ITPR2: variants seen among roughly 807,000 people sequenced by gnomAD.
ITPR2 encodes the protein inositol 1,4,5-trisphosphate receptor type 2.
A neutral mutation model predicts 317.1 loss-of-function variants in ITPR2; 207 were observed. The ratio of observed to expected loss-of-function variants is 0.65; its 90% CI spans 0.58 to 0.73. ITPR2 has a LOEUF of 0.73. ITPR2 is among the 30% of genes least tolerant of loss of function. ITPR2 has a pLI of 0.00. For synonymous variants in ITPR2, 1,156 were observed against 1,149.1 expected (o/e 1.01, Z -0.12); for missense variants, 2,613 against 3,284.0 (o/e 0.80, Z 4.99).
At chr12:26,715,998 A>G in intron 6 of ITPR2, 146 bp downstream of exon 6, 1 of 700,020 alleles carries the variant, frequency 1.4e-6, no homozygotes, top group Non-Finnish European at 2.4e-6. Flanking sequence ...AGCAATAACT[A>G]ATCACAGCTA....
At chr12:26,715,958 A>G (rs1948732894) in intron 6 of ITPR2, 123 bp from the exon 7 acceptor site, 2 of 770,388 alleles carry the variant, frequency 2.6e-6, no homozygotes, top group Non-Finnish European at 4.3e-6. Context: ...ATAGCTCAAT[A>G]CAAGTATCTT....
intron 2 of ITPR2, among the ~76,000 whole-genome samples, chr12:26,777,398 C>G (rs1480142176): frequency 6.6e-6 from 1 of 152,142 alleles, no homozygotes; most frequent in African/African-American, 2.4e-5. Flanking sequence ...TATGTCAGAT[C>G]TAATAGTAGG....
At chr12:26,728,084 T>C (rs750501630) in intron 2 of ITPR2, among the ~76,000 whole-genome samples, 2 of 152,112 alleles carry the variant, frequency 1.3e-5, no homozygotes, top group Non-Finnish European at 2.9e-5. Context: ...CTAAGGAGGA[T>C]GGACTATACC....
chr12:26,412,258 G>T (rs181804937), intron 51 of ITPR2, among the ~76,000 whole-genome samples: 1 of 152,294 alleles, frequency 6.6e-6, no homozygotes, highest in East Asian at 1.9e-4. Context: ...AGATGGGGTA[G>T]AAATGGCAAA....
chr12:26,426,823 T>C (rs904390193), intron 49 of ITPR2, among the ~76,000 whole-genome samples: 1 of 151,124 alleles, frequency 6.6e-6, no homozygotes, highest in Admixed American at 6.6e-5. Flanking sequence ...TTTTAATAAA[T>C]AAATAAAATA....
chr12:26,575,739 A>T (rs1054488566), intron 34 of ITPR2, among the ~76,000 whole-genome samples: 1 of 152,222 alleles, frequency 6.6e-6, no homozygotes, highest in Non-Finnish European at 1.5e-5. Context: ...ATTTAGACTA[A>T]TATAGTTTCA....
intron 1 of ITPR2, among the ~76,000 whole-genome samples, chr12:26,790,572 G>GATAC (rs1014904264): frequency 3.5e-5 from 4 of 114,356 alleles, no homozygotes; most frequent in African/African-American, 1.3e-4. Context: ...CAATCAATAA[G>GATAC]ATACATATAT....
At chr12:26,518,639 A>T (rs1263304273) in intron 37 of ITPR2, among the ~76,000 whole-genome samples, 1 of 152,222 alleles carries the variant, frequency 6.6e-6, no homozygotes, top group Non-Finnish European at 1.5e-5. Context: ...ACCCAAAAAT[A>T]AAAAATAGCA....
intron 2 of ITPR2, among the ~76,000 whole-genome samples, chr12:26,774,901 GAA>G (rs1465063284): frequency 6.6e-6 from 1 of 152,214 alleles, no homozygotes; most frequent in African/African-American, 2.4e-5. Context: ...TTAGTGGATG[GAA>G]GTTGGCCCCA....
chr12:26,412,139 TG>T (rs1173517317), intron 51 of ITPR2, among the ~76,000 whole-genome samples: 1 of 152,196 alleles, frequency 6.6e-6, no homozygotes, highest in African/African-American at 2.4e-5. Context: ...GTCTTCATGA[TG>T]GAGAGACAAG....
chr12:26,739,124 C>A (rs1949185050), intron 2 of ITPR2, among the ~76,000 whole-genome samples: 1 of 152,194 alleles, frequency 6.6e-6, no homozygotes, highest in Non-Finnish European at 1.5e-5. Context: ...TACAAAACCA[C>A]TAGAATGGCT....
rs756162493 is a variant in ITPR2, at chr12:26,439,334, T to G, written c.6451-15A>C. On this transcript the variant is annotated splice_polypyrimidine_tract_variant and intron_variant, in intron 46 of 56. Transcript: ENST00000381340. Reference sequence around the variant, plus strand: ...TGCCGGACAATCTGAAAACATTAATTTGCATTGTTTTTAGCCTTTCGGACA... The same window carrying G: ...TGCCGGACAATCTGAAAACATTAATGTGCATTGTTTTTAGCCTTTCGGACA... The G allele has an allele frequency of 6.3e-7, 1 of 1,580,866 alleles. No homozygotes were observed.
intron 45 of ITPR2, among the ~76,000 whole-genome samples, chr12:26,450,731 C>G (rs544112241): frequency 1.3e-5 from 2 of 152,274 alleles, no homozygotes; most frequent in East Asian, 3.9e-4. Flanking sequence ...CCAGGAATAT[C>G]CAGCATAAGT....
Position 26,612,960 on chromosome 12 carries a change from A to T in ITPR2, c.3462+8163T>A, listed in dbSNP as rs184724007. Among the ~76,000 whole-genome samples the T allele has an allele frequency of 3.9e-5, 6 of 152,324 alleles. No homozygotes were observed. The East Asian group carries it at 1.2e-3, about 29-fold the overall frequency. ...TCTGGAGTGAGGCCTTCTTTCAGTC[A>T]TCAGGCCCACGCTGGCCTCTCCTTT... On this transcript the variant is annotated intron_variant, in intron 26 of 56. Coordinates refer to ENST00000381340, the MANE Select transcript of ITPR2 (RefSeq NM_002223.4).
In ITPR2 at chr12:26,657,710, T is replaced by C; in HGVS notation, c.2189A>G (p.Tyr730Cys). Reference sequence around the variant, plus strand: ...AAGATTGTCTATAATACTTAACCTGTAATAGGTAAGAACTTCTAAGTCAGC... The same window carrying C: ...AAGATTGTCTATAATACTTAACCTGCAATAGGTAAGAACTTCTAAGTCAGC... ...TKADLEVLTY[Y>C]RYQLNLFARM... Residue 730 changes from tyrosine (Y) to cysteine (C), a missense_variant, in exon 18 of 57, where the codon TAC (tyrosine) becomes TGC (cysteine). Around this residue, in one of 9 missense-constraint regions of ITPR2, gnomAD observed 817 missense variants for 897.6 expected, o/e 0.91. Transcript: ENST00000381340. The C allele has an allele frequency of 6.2e-7, 1 of 1,613,362 alleles. No homozygotes were observed. Among genetic ancestry groups the C allele is most frequent in the Non-Finnish European group, 8.5e-7 (1 of 1,179,346 alleles).
chr12:26,811,323 T>C (rs1177714217), intron 1 of ITPR2, among the ~76,000 whole-genome samples: 1 of 152,228 alleles, frequency 6.6e-6, no homozygotes. Context: ...TTTCAAAGTA[T>C]AGAAACCTAG....
intron 37 of ITPR2, among the ~76,000 whole-genome samples, chr12:26,544,319 T>G (rs1944336196): frequency 6.6e-6 from 1 of 152,144 alleles, no homozygotes; most frequent in Non-Finnish European, 1.5e-5. Context: ...ATTTAGAAAT[T>G]GTACTCAAGG....
intron 55 of ITPR2, among the ~76,000 whole-genome samples, chr12:26,380,829 G>C (rs1441034770): frequency 1.3e-5 from 2 of 152,174 alleles, no homozygotes; most frequent in African/African-American, 4.8e-5. Context: ...AACTAAACAA[G>C]ACTGATTTTG....
intron 48 of ITPR2, among the ~76,000 whole-genome samples, chr12:26,433,036 A>G (rs943737194): frequency 2.0e-5 from 3 of 152,256 alleles, no homozygotes; most frequent in Admixed American, 1.3e-4. Context: ...TATGTGTAAC[A>G]GTCTTAGCTC....
Sources: gnomAD v4.1 joint callset for allele counts (sites outside exome capture counted in the v4.1 genomes callset) on GRCh38, gnomAD v4.1.1 for gene constraint, gnomAD v4.1.1 regional missense constraint, MANE v1.5 for transcripts, NCBI Gene and HGNC (gene_info 2026-07-23, HGNC 2026-07-21) for gene names.